Variants in TRIM43B observed in about 807,000 individuals in gnomAD.
TRIM43B encodes tripartite motif containing 43B, also known as tripartite motif-containing protein 43B.
Under a neutral mutation model 27.0 loss-of-function variants are expected in TRIM43B, and 15 were observed. The observed-to-expected ratio is 0.55, with a 90% confidence interval of 0.37 to 0.85. The LOEUF (loss-of-function observed/expected upper bound fraction) is 0.85, where lower values mean the gene tolerates loss of function less well. Ranked by LOEUF, TRIM43B falls within the 40% of genes least tolerant of loss-of-function variation. The pLI, the probability that TRIM43B is intolerant of heterozygous loss-of-function variation, is 0.00. For missense variants in TRIM43B, 172 were observed against 289.8 expected (o/e 0.59, Z 2.95); for synonymous variants, 69 against 97.8 (o/e 0.71, Z 1.74).
At chr2:95,483,288 C>T (rs566559699) in intron 1 of TRIM43B, among the ~76,000 whole-genome samples, 1 of 152,264 alleles carries the variant, frequency 6.6e-6, no homozygotes, top group East Asian at 1.9e-4. Context: ...TAAGTTACCT[C>T]TCCAAGGTAA....
chr2:95,484,730 T>C (rs894993748), exon 1 of TRIM43B: 5 of 151,662 alleles, frequency 3.3e-5, no homozygotes, highest in African/African-American at 9.7e-5. Context: ...GTTGCAAAGC[T>C]ACTCTGTGGG....
exon 4 of TRIM43B, chr2:95,480,395 C>A (rs1275389887): frequency 6.2e-7 from 1 of 1,609,160 alleles, no homozygotes; most frequent in Non-Finnish European, 8.5e-7. Flanking sequence ...CCATTTTGAC[C>A]CAACTTCTCT....
At chr2:95,482,018 A>C (rs2104401454) in intron 2 of TRIM43B, among the ~76,000 whole-genome samples, 1 of 151,520 alleles carries the variant, frequency 6.6e-6, no homozygotes, top group South Asian at 2.1e-4. Context: ...ATATATTTCC[A>C]AAATACCTTT....
rs747731168 is a variant in TRIM43B, at chr2:95,481,598, C to G, written c.504G>C (p.Leu168Phe). The G allele has an allele frequency of 1.9e-6, 3 of 1,611,258 alleles. No homozygotes were observed. The Admixed American group carries it at 5.0e-5, about 27-fold the overall frequency. The change falls in exon 3 of 7, where the codon TTG becomes TTC. Residue 168 changes from leucine (L) to phenylalanine (F), a missense_variant. Physicochemically the swap from Leu to Phe is conservative, Grantham distance 22. Around this residue, in one of 3 missense-constraint regions of TRIM43B, gnomAD observed 67 missense variants for 66.4 expected, o/e 1.01. Transcript: ENST00000639673. ...GGACTCACGGTCTCATACTTACCCT[C>G]AAGAGGAAGGCTGTTCTTCTCTCCT...
chr2:95,481,905 C>T (rs1558814057), intron 2 of TRIM43B, among the ~76,000 whole-genome samples: 1 of 151,772 alleles, frequency 6.6e-6, no homozygotes, highest in Non-Finnish European at 1.5e-5. Context: ...TTCCTGTAAC[C>T]CAGCTAAATT....
exon 2 of TRIM43B, chr2:95,482,648 C>T (rs1683554565): frequency 6.2e-7 from 1 of 1,613,692 alleles, no homozygotes; most frequent in Non-Finnish European, 8.5e-7. Context: ...ACAGGGTCTA[C>T]CAGGTAGTTC....
intron 1 of TRIM43B, among the ~76,000 whole-genome samples, chr2:95,483,345 C>CA (rs1683572476): frequency 6.6e-6 from 1 of 152,198 alleles, no homozygotes; most frequent in African/African-American, 2.4e-5. Flanking sequence ...ATTTAATCAA[C>CA]AAAAACTTTC....
intron 3 of TRIM43B, 70 bp from the exon 4 acceptor site, chr2:95,480,605 T>A: frequency 6.4e-7 from 1 of 1,552,698 alleles, no homozygotes; most frequent in South Asian, 1.2e-5. Context: ...CACAACTTCA[T>A]CCTCCTCATT....
chr2:95,482,848 G>A, intron 1 of TRIM43B, 130 bp from the exon 2 acceptor site: 1 of 1,495,104 alleles, frequency 6.7e-7, no homozygotes. Flanking sequence ...AATTTGCAAT[G>A]ACAGAAATAG....
chr2:95,482,107 ATCAG>A (rs1683537452), intron 2 of TRIM43B, among the ~76,000 whole-genome samples, 193 bp downstream of exon 2: 1 of 150,402 alleles, frequency 6.6e-6, no homozygotes, highest in African/African-American at 2.4e-5. Flanking sequence ...CATTTACTTA[ATCAG>A]TCTCTTTTTG....
intron 1 of TRIM43B, among the ~76,000 whole-genome samples, chr2:95,484,372 A>C (rs571021821): frequency 6.6e-6 from 1 of 152,158 alleles, no homozygotes; most frequent in African/African-American, 2.4e-5. Flanking sequence ...CCATCTCAAA[A>C]TAAATAAATA....
chr2:95,482,115 C>T (rs1683537587), intron 2 of TRIM43B, among the ~76,000 whole-genome samples, 189 bp downstream of exon 2: 1 of 150,454 alleles, frequency 6.6e-6, no homozygotes, highest in Non-Finnish European at 1.5e-5. Context: ...TAATCAGTCT[C>T]TTTTTGGGTG....
chr2:95,480,561 T>A, intron 3 of TRIM43B, 26 bp from the exon 4 acceptor site: 1 of 1,603,174 alleles, frequency 6.2e-7, no homozygotes, highest in Non-Finnish European at 8.5e-7. Flanking sequence ...TTTTGTAGGT[T>A]ATATACCCAG....
chr2:95,481,426 A>G (rs1360716319), intron 3 of TRIM43B, among the ~76,000 whole-genome samples, 169 bp downstream of exon 3: 2 of 152,156 alleles, frequency 1.3e-5, no homozygotes, highest in Admixed American at 1.3e-4. Context: ...AAAAGCATTT[A>G]CAGAAAACCT....
intron 2 of TRIM43B, 39 bp from the exon 3 acceptor site, chr2:95,481,729 C>G: frequency 6.3e-7 from 1 of 1,591,648 alleles, no homozygotes; most frequent in Admixed American, 1.7e-5. Context: ...AGTCAAATAC[C>G]AAAGATTCCA....
At chr2:95,483,307 A>G (rs1327090635) in intron 1 of TRIM43B, among the ~76,000 whole-genome samples, 1 of 152,138 alleles carries the variant, frequency 6.6e-6, no homozygotes, top group Non-Finnish European at 1.5e-5. Flanking sequence ...AAAGCTAAGA[A>G]TCATTGTTTT....
chr2:95,483,516 C>T (rs1281188619), intron 1 of TRIM43B, among the ~76,000 whole-genome samples: 2 of 151,896 alleles, frequency 1.3e-5, no homozygotes, highest in Non-Finnish European at 2.9e-5. Context: ...GAGTAAGTAT[C>T]ATGCAATAAC....
At chr2:95,483,701 G>C (rs1056438266) in intron 1 of TRIM43B, among the ~76,000 whole-genome samples, 6 of 151,884 alleles carry the variant, frequency 4.0e-5, no homozygotes, top group African/African-American at 1.5e-4. Flanking sequence ...GGTGGAGGAC[G>C]CCTGTAGTCC....
chr2:95,482,604 G>C, exon 2 of TRIM43B: 1 of 1,613,570 alleles, frequency 6.2e-7, no homozygotes, highest in Non-Finnish European at 8.5e-7. Flanking sequence ...GGCAGAGACA[G>C]GGCCTACAGA....
Sources: gnomAD v4.1 joint callset for allele counts (sites outside exome capture counted in the v4.1 genomes callset) on GRCh38, gnomAD v4.1.1 for gene constraint, gnomAD v4.1.1 regional missense constraint, MANE v1.5 for transcripts, NCBI Gene and HGNC (gene_info 2026-07-23, HGNC 2026-07-21) for gene names.